MAGI2: variants seen among roughly 807,000 people sequenced by gnomAD.
The protein encoded by MAGI2 is membrane associated guanylate kinase, WW and PDZ domain containing 2.
MAGI2 carries 35 observed loss-of-function variants against 133.3 expected under a neutral mutation model. The ratio of observed to expected loss-of-function variants is 0.26; its 90% CI spans 0.20 to 0.35. The LOEUF (loss-of-function observed/expected upper bound fraction) is 0.35. Ranked by LOEUF, MAGI2 falls within the 10% of genes least tolerant of loss-of-function variation. The probability of loss-of-function intolerance (pLI) is 1.00; values close to 1 mark genes in which losing one functional copy is unlikely to be tolerated. For missense variants in MAGI2, 1,636 were observed against 1,863.4 expected (o/e 0.88, Z 2.25); for synonymous variants, 729 against 710.6 (o/e 1.03, Z -0.41).
At chr7:78,943,925 A>G (rs1801190906) in intron 2 of MAGI2, among the ~76,000 whole-genome samples, 1 of 152,200 alleles carries the variant, frequency 6.6e-6, no homozygotes, top group Non-Finnish European at 1.5e-5. Context: ...TTTTAAACTA[A>G]TACATGTAAT....
intron 1 of MAGI2, among the ~76,000 whole-genome samples, chr7:79,381,916 T>C (rs1211851288): frequency 1.3e-5 from 2 of 151,726 alleles, no homozygotes; most frequent in African/African-American, 2.4e-5. Flanking sequence ...TAAACTGAAA[T>C]AGAAATTTTC....
chr7:79,177,033 T>C (rs1257511865), intron 1 of MAGI2: 1 of 152,002 alleles, frequency 6.6e-6, no homozygotes, highest in Non-Finnish European at 1.5e-5. Context: ...TAACCCGACC[T>C]GCTAGTCTTT....
At chr7:79,218,117 G>T (rs966715282) in intron 1 of MAGI2, among the ~76,000 whole-genome samples, 2 of 151,946 alleles carry the variant, frequency 1.3e-5, no homozygotes, top group African/African-American at 4.8e-5. Flanking sequence ...GCAGGAGAGT[G>T]GCTATACTAC....
rs148399190 is a variant in MAGI2, at chr7:78,501,695, G to C, written c.847C>G (p.Leu283Val). ...PAPVYSQPEE[L>V]KEQMDDTKPT... is the part of the protein sequence containing the mutation. ...TTTGTGTCATCCATCTGCTCCTTCA[G>C]CTCCTCAGGCTGACTGTACACTGGT... is the stretch of plus-strand genomic sequence containing the variant. Residue 283 changes from leucine (L) to valine (V), a missense_variant, in exon 5 of 22, where the codon CTG becomes GTG. Around this residue, in one of 5 missense-constraint regions of MAGI2, gnomAD observed 165 missense variants for 128.4 expected, o/e 1.28. Coordinates refer to ENST00000354212, the MANE Select transcript of MAGI2 (RefSeq NM_012301.4). 6 of 1,613,892 alleles carry C rather than the reference G, an allele frequency of 3.7e-6. No individual in the cohort carries two copies. Among genetic ancestry groups the C allele is most frequent in the African/African-American group, 2.7e-5 (2 of 74,862 alleles).
At chr7:78,701,750 C>A (rs13246026) in intron 2 of MAGI2, among the ~76,000 whole-genome samples, 53,414 of 151,784 alleles carry the variant, frequency 0.35, 9,728 homozygotes, top group Middle Eastern at 0.44. Flanking sequence ...TGTCAATTTA[C>A]AAACAGCTAT....
At chr7:78,559,969 A>T (rs1158258043) in intron 3 of MAGI2, among the ~76,000 whole-genome samples, 3 of 152,192 alleles carry the variant, frequency 2.0e-5, no homozygotes, top group African/African-American at 7.2e-5. Flanking sequence ...AAAGTAGAGA[A>T]AGAATAAATA....
intron 3 of MAGI2, among the ~76,000 whole-genome samples, chr7:78,621,659 T>A (rs950004936): frequency 9.9e-5 from 15 of 151,990 alleles, no homozygotes; most frequent in Admixed American, 9.2e-4. Context: ...CCATGTGGCA[T>A]AGCTATAGAT....
chr7:78,080,557 C>T (rs1046001484), intron 20 of MAGI2, among the ~76,000 whole-genome samples: 1 of 152,200 alleles, frequency 6.6e-6, no homozygotes, highest in Non-Finnish European at 1.5e-5. Context: ...ACAGAAACCT[C>T]ATGGCACAGA....
At chr7:78,595,679 C>T (rs1297733573) in intron 3 of MAGI2, among the ~76,000 whole-genome samples, 1 of 152,088 alleles carries the variant, frequency 6.6e-6, no homozygotes, top group Non-Finnish European at 1.5e-5. Flanking sequence ...CTGTATAGAA[C>T]CAAAATTCAA....
rs549169978 is a variant in MAGI2, at chr7:79,438,315, A to G, written c.301+14705T>C. ...AATGAAACAAGAAAATCTCCTAAAA[A>G]TATAAAATAGGCCATTTCTAACTTA... On this transcript the variant is annotated intron_variant, in intron 1 of 21. Transcript: ENST00000354212. 6.6e-5 allele frequency among the ~76,000 whole-genome samples: 10 copies of G among 152,268 alleles called. No homozygotes were observed. The East Asian group carries it at 1.9e-3, about 29-fold the overall frequency.
chr7:79,203,358 A>G (rs967494354), intron 1 of MAGI2, among the ~76,000 whole-genome samples: 4 of 152,040 alleles, frequency 2.6e-5, no homozygotes, highest in African/African-American at 9.7e-5. Context: ...GTACTTAGAA[A>G]CAATGTCAAA....
chr7:79,399,578 A>G lies in MAGI2; in HGVS notation c.301+53442T>C, dbSNP rs1460154485. Among the ~76,000 whole-genome samples the G allele has an allele frequency of 3.3e-5, 5 of 152,264 alleles. No homozygotes were observed. In the East Asian group the frequency reaches 9.7e-4, roughly 29 times the overall value. On this transcript the variant is annotated intron_variant, in intron 1 of 21. Transcript: ENST00000354212. ...TAGATACACAACCGAAAAGCTGTAGATACAAGTGCAGTGCTTCTAGAAGAG... is the reference window on the plus strand; with the variant it reads ...TAGATACACAACCGAAAAGCTGTAGGTACAAGTGCAGTGCTTCTAGAAGAG...
chr7:78,890,172 GCTAA>G (rs1385537925), intron 2 of MAGI2, among the ~76,000 whole-genome samples: 1 of 152,174 alleles, frequency 6.6e-6, no homozygotes, highest in African/African-American at 2.4e-5. Flanking sequence ...AACAAGAAGA[GCTAA>G]CTATCCTAAA....
intron 10 of MAGI2, among the ~76,000 whole-genome samples, chr7:78,246,430 G>A (rs1450884215): frequency 2.0e-5 from 3 of 152,132 alleles, no homozygotes; most frequent in Non-Finnish European, 4.4e-5. Flanking sequence ...GGGCTGAGCT[G>A]ATAGAAACCC....
At chr7:79,115,854 GTTTTTT>G (rs59398227) in intron 1 of MAGI2, among the ~76,000 whole-genome samples, 45 of 93,948 alleles carry the variant, frequency 4.8e-4, no homozygotes, top group African/African-American at 1.6e-3. Flanking sequence ...ATGTTTTAAA[GTTTTTT>G]TTTTTTTTTT....
At chr7:78,333,731 G>A (rs1213165308) in intron 9 of MAGI2, among the ~76,000 whole-genome samples, 1 of 152,160 alleles carries the variant, frequency 6.6e-6, no homozygotes, top group Non-Finnish European at 1.5e-5. Flanking sequence ...CCATCCCAGC[G>A]GAGGCATGAA....
At chr7:79,326,263 G>A (rs1458674941) in intron 1 of MAGI2, among the ~76,000 whole-genome samples, 2 of 151,850 alleles carry the variant, frequency 1.3e-5, no homozygotes, top group Non-Finnish European at 1.5e-5. Context: ...AAAATATGAC[G>A]CTTGCATGGT....
At chr7:78,056,409 G>A (rs1447664399) in intron 21 of MAGI2, among the ~76,000 whole-genome samples, 1 of 152,142 alleles carries the variant, frequency 6.6e-6, no homozygotes, top group Admixed American at 6.6e-5. Context: ...TAAAGACATG[G>A]AATCAGCCTA....
At chr7:78,739,404 G>A (rs1018341406) in intron 2 of MAGI2, among the ~76,000 whole-genome samples, 8 of 152,186 alleles carry the variant, frequency 5.3e-5, no homozygotes, top group African/African-American at 1.7e-4. Context: ...GTGCCATTCT[G>A]AAGGCAATGG....
Sources: gnomAD v4.1 joint callset for allele counts (sites outside exome capture counted in the v4.1 genomes callset) on GRCh38, gnomAD v4.1.1 for gene constraint, gnomAD v4.1.1 regional missense constraint, MANE v1.5 for transcripts, NCBI Gene and HGNC (gene_info 2026-07-23, HGNC 2026-07-21) for gene names.